The following RREB1 variants were observed in gnomAD, a reference collection of about 807,000 sequenced individuals.
RREB1 encodes ras-responsive element-binding protein 1.
In RREB1, 27 loss-of-function variants were observed where a neutral mutation model predicts 117.8. The observed-to-expected ratio is 0.23, with a 90% CI of 0.17 to 0.32. RREB1 has a LOEUF of 0.32. RREB1 is among the 10% of genes least tolerant of loss of function. The probability of loss-of-function intolerance (pLI) is 1.00; values close to 1 mark genes in which losing one functional copy is unlikely to be tolerated. For missense variants in RREB1, 2,577 were observed against 2,378.2 expected (o/e 1.08, Z -1.74); for synonymous variants, 1,298 against 1,026.7 (o/e 1.26, Z -5.05).
rs558314213 is a variant in RREB1, at chr6:7,181,806, G to A, written c.-42-64G>A. ...TACAATTAGAGTAGCCATGGCCAGC[G>A]CCCCCTGGCAATGACAGAAGCCTAA... On this transcript the variant is annotated intron_variant, in intron 3 of 12. Coordinates refer to ENST00000379938, the MANE Select transcript of RREB1 (RefSeq NM_001003699.4). 92 of 1,146,856 alleles carry A rather than the reference G, an allele frequency of 8.0e-5. No homozygotes were observed. In the African/African-American group the frequency reaches 9.2e-4, roughly 11 times the overall value. The allele number at this position is 1,146,856 out of a possible 1,614,324, so 71.0% of individuals were successfully genotyped here. A position where few individuals can be genotyped will look rare whatever the true frequency, so the allele number is the denominator to read the frequency against.
chr6:7,120,416 T>A (rs113708309), intron 1 of RREB1, among the ~76,000 whole-genome samples: 2,763 of 152,196 alleles, frequency 0.018, 71 homozygotes, highest in African/African-American at 0.06. Flanking sequence ...ATTGTGCCAC[T>A]GCATTCCAGC....
At position 7,229,798 on chromosome 6, in the gene RREB1, T is replaced by G; in HGVS notation, c.1699T>G (p.Ser567Ala). ...CAACGCCCACCTGCTGCAGTCCAAG[T>G]CCGGGACCCAGCCCCACGCGGCCAC... ...ASNAHLLQSKSGTQPHAATRL... is the reference protein window; with the variant it reads ...ASNAHLLQSKAGTQPHAATRL... The change falls in exon 10 of 13, where the codon TCC (serine) becomes GCC (alanine). Residue 567 changes from serine (S) to alanine (A), a missense_variant. Physicochemically the swap from Ser to Ala is moderately conservative, Grantham distance 99. Transcript: ENST00000379938. This position sits in a 1 kb window ranked among gnomAD's most constrained non-coding sequence, Gnocchi z 4.5. 2 of 1,610,492 alleles carry G rather than the reference T, an allele frequency of 1.2e-6. No homozygotes were observed. Among genetic ancestry groups the G allele is most frequent in the Non-Finnish European group, 1.7e-6 (2 of 1,178,488 alleles).
In RREB1 at chr6:7,246,516, G is replaced by A. The variant is rs1769038429; in HGVS notation, c.4066G>A (p.Glu1356Lys). Reference sequence around the variant, plus strand: ...AGAGCAGCCGTCGGAGGGCGCCACTGAGCTCCGCCAGGTCGCAGGGGATGC... The same window carrying A: ...AGAGCAGCCGTCGGAGGGCGCCACTAAGCTCCGCCAGGTCGCAGGGGATGC... ...DREQPSEGATELRQVAGDAPV... is the reference protein window; with the variant it reads ...DREQPSEGATKLRQVAGDAPV... The change falls in exon 12 of 13, where the codon GAG becomes AAG. Residue 1356 changes from glutamate to lysine, a missense_variant. By Grantham distance (56) the Glu-to-Lys change is moderately conservative (BLOSUM62 1). Transcript: ENST00000379938. 3.9e-6 allele frequency: 6 copies of A among 1,546,310 alleles called. No individual in the cohort carries two copies. Among genetic ancestry groups the A allele is most frequent in the East Asian group, 4.9e-5 (2 of 41,104 alleles).
At chr6:7,116,907 T>G (rs1385184217) in intron 1 of RREB1, among the ~76,000 whole-genome samples, 1 of 152,214 alleles carries the variant, frequency 6.6e-6, no homozygotes, top group Non-Finnish European at 1.5e-5. Flanking sequence ...ATAGGAGAGA[T>G]GGGCACACAG....
chr6:7,117,467 A>C (rs1419412253), intron 1 of RREB1, among the ~76,000 whole-genome samples: 1 of 129,744 alleles, frequency 7.7e-6, no homozygotes, highest in Non-Finnish European at 1.5e-5. Flanking sequence ...CTGGAGTGCA[A>C]TGGCGCAGTC....
At chr6:7,169,706 C>T (rs1285028892) in intron 1 of RREB1, among the ~76,000 whole-genome samples, 1 of 152,208 alleles carries the variant, frequency 6.6e-6, no homozygotes, top group Non-Finnish European at 1.5e-5. Context: ...TCTTCATAGT[C>T]CTCATGTACT....
intron 1 of RREB1, among the ~76,000 whole-genome samples, chr6:7,175,232 C>T (rs995529727): frequency 2.0e-5 from 3 of 152,032 alleles, no homozygotes; most frequent in Non-Finnish European, 4.4e-5. Context: ...TCATAGTTTA[C>T]AAGAGGGCAG....
Position 7,248,518 on chromosome 6 carries a change from G to C in RREB1, c.4779G>C (p.Arg1593Ser). 1 of 1,614,056 alleles carries C rather than the reference G, an allele frequency of 6.2e-7. No individual in the cohort carries two copies. Among genetic ancestry groups the C allele is most frequent in the Non-Finnish European group, 8.5e-7 (1 of 1,179,902 alleles). Residue 1593 changes from arginine (R) to serine (S), a missense_variant, in exon 13 of 13, where the codon AGG (arginine) becomes AGC (serine). Coordinates refer to ENST00000379938, the MANE Select transcript of RREB1 (RefSeq NM_001003699.4). ...TRHMRSHTGE[R>S]PYKCQTCERT... ...TTTCTTCCATTGTTCCAGGGGAAAG[G>C]CCATACAAATGTCAGACCTGCGAGC...
At chr6:7,125,090 C>G (rs956663232) in intron 1 of RREB1, among the ~76,000 whole-genome samples, 5 of 152,186 alleles carry the variant, frequency 3.3e-5, no homozygotes, top group Non-Finnish European at 7.3e-5. Context: ...TGGTATTTGA[C>G]AACATAAGCT....
Position 7,231,224 on chromosome 6 carries a change from T to C in RREB1, c.3125T>C (p.Leu1042Pro). 1.2e-6 allele frequency: 2 copies of C among 1,612,496 alleles called. No homozygotes were observed. The highest frequency in any genetic ancestry group is 2.2e-5 in the South Asian group (2 of 91,058). ...SSALLSGTAL[L>P]RPLRPKPPLL... ...GCCCTCCTGAGTGGCACAGCCTTGCTGCGTCCACTGCGGCCCAAGCCCCCG... is the reference window on the plus strand; with the variant it reads ...GCCCTCCTGAGTGGCACAGCCTTGCCGCGTCCACTGCGGCCCAAGCCCCCG... The change falls in exon 10 of 13, where the codon CTG becomes CCG. Residue 1042 changes from leucine (L) to proline (P), a missense_variant. Coordinates refer to ENST00000379938, the MANE Select transcript of RREB1 (RefSeq NM_001003699.4).
intron 10 of RREB1, among the ~76,000 whole-genome samples, chr6:7,232,468 CCT>C (rs778640605): frequency 6.6e-6 from 1 of 152,126 alleles, no homozygotes; most frequent in South Asian, 2.1e-4. Context: ...CACATCTTCC[CCT>C]GTTGATTGTG....
chr6:7,230,502 C>A lies in RREB1; in HGVS notation c.2403C>A (p.Ala801=). The change falls in exon 10 of 13, where the codon GCC becomes GCA. Residue 801 remains alanine, a synonymous_variant. Transcript: ENST00000379938. ...AGGAGTGCAGCGCCGCGTTCGCGGC[C>A]AAGCGCAACTGCATCCACCACATCC... ...ECKECSAAFA[A]KRNCIHHILK... 6.3e-7 allele frequency: 1 copy of A among 1,593,524 alleles called. No individual in the cohort carries two copies. Among genetic ancestry groups the A allele is most frequent in the Non-Finnish European group, 8.5e-7 (1 of 1,176,400 alleles).
rs1009895575 is a variant in RREB1 at position 7,230,741 on chromosome 6, A to G, written c.2642A>G (p.His881Arg). ...GGCCCCACCCAGCCTCCACCTCCCC[A>G]TGTCTCGATCAAGTTGGAGCCCGCC... Reference protein sequence around the residue: ...HRGPTQPPPPHVSIKLEPASS... With the variant: ...HRGPTQPPPPRVSIKLEPASS... Residue 881 changes from histidine (H) to arginine (R), a missense_variant, in exon 10 of 13, where the codon CAT becomes CGT. His to Arg is a conservative substitution (Grantham distance 29). Coordinates refer to ENST00000379938, the MANE Select transcript of RREB1 (RefSeq NM_001003699.4). 1 of 1,607,470 alleles carries G rather than the reference A, an allele frequency of 6.2e-7. No individual in the cohort carries two copies. The highest frequency in any genetic ancestry group is 8.5e-7 in the Non-Finnish European group (1 of 1,176,152).
chr6:7,213,674 A>C (rs76052955), intron 8 of RREB1: 18,514 of 152,194 alleles, frequency 0.12, 1,575 homozygotes, highest in Non-Finnish European at 0.18. Context: ...CAGAGATGAC[A>C]TTACCAGCTG....
chr6:7,135,399 G>A (rs1164219965), intron 1 of RREB1, among the ~76,000 whole-genome samples: 1 of 152,182 alleles, frequency 6.6e-6, no homozygotes, highest in African/African-American at 2.4e-5. Context: ...TTTTAGGCAG[G>A]GCAGCAGCCA....
At position 7,195,571 on chromosome 6, in the gene RREB1, C is replaced by A. The variant is rs1765622926; in HGVS notation, c.425+6249C>A. Among the ~76,000 whole-genome samples the A allele has an allele frequency of 2.6e-5, 4 of 152,246 alleles. No individual in the cohort carries two copies. In the South Asian group the frequency reaches 8.3e-4, roughly 32 times the overall value. On this transcript the variant is annotated intron_variant, in intron 6 of 12. Coordinates refer to ENST00000379938, the MANE Select transcript of RREB1 (RefSeq NM_001003699.4). Reference sequence around the variant, plus strand: ...TTAAAAAGAGTAATGCAACCCAGGTCCTGAGAAGTATGAAAGGAAATCAGT... The same window carrying A: ...TTAAAAAGAGTAATGCAACCCAGGTACTGAGAAGTATGAAAGGAAATCAGT...
At chr6:7,245,374 G>A (rs188841205) in intron 11 of RREB1, among the ~76,000 whole-genome samples, 148 of 152,260 alleles carry the variant, frequency 9.7e-4, no homozygotes, top group African/African-American at 3.4e-3. Context: ...CAGCCTGGGC[G>A]ACAAGGCGAA....
chr6:7,108,292 C>T (rs1278818825), intron 1 of RREB1, among the ~76,000 whole-genome samples: 1 of 151,792 alleles, frequency 6.6e-6, no homozygotes, highest in Non-Finnish European at 1.5e-5. Context: ...GCAGCCCTCT[C>T]CCCTCGGGCT....
intron 1 of RREB1, among the ~76,000 whole-genome samples, chr6:7,112,230 T>C (rs1328440416): frequency 6.6e-6 from 1 of 152,198 alleles, no homozygotes; most frequent in African/African-American, 2.4e-5. Context: ...CTGCCAAAAG[T>C]ATGTTCAAGT....
Sources: allele counts gnomAD v4.1 joint callset (sites outside exome capture counted in the v4.1 genomes callset), GRCh38; gene constraint gnomAD v4.1.1; non-coding constraint Gnocchi (gnomAD v3.1); transcripts MANE v1.5; gene names NCBI Gene and HGNC (gene_info 2026-07-23, HGNC 2026-07-21).